Variants in ZDHHC11B observed in about 807,000 individuals in gnomAD.
The protein encoded by ZDHHC11B is zDHHC palmitoyltransferase 11B (putative), also known as probable palmitoyltransferase ZDHHC11B.
In ZDHHC11B, 17 loss-of-function variants were observed where a neutral mutation model predicts 42.3. The ratio of observed to expected loss-of-function variants is 0.40; its 90% CI spans 0.27 to 0.60. The LOEUF (loss-of-function observed/expected upper bound fraction) is 0.60. Ranked by LOEUF, ZDHHC11B falls within the 20% of genes least tolerant of loss-of-function variation. The pLI is 0.41. For synonymous variants in ZDHHC11B, 123 were observed against 193.5 expected (o/e 0.64, Z 3.02); for missense variants, 262 against 463.2 (o/e 0.57, Z 3.99).
At chr5:777,801 C>G (rs555643638) in intron 1 of ZDHHC11B, among the ~76,000 whole-genome samples, 29 of 152,122 alleles carry the variant, frequency 1.9e-4, no homozygotes, top group African/African-American at 6.0e-4. Context: ...GGCGGAGCTG[C>G]CCGCCAGTAC....
At chr5:776,431 C>T (rs1207287678) in intron 1 of ZDHHC11B, among the ~76,000 whole-genome samples, 5 of 151,982 alleles carry the variant, frequency 3.3e-5, no homozygotes, top group African/African-American at 4.8e-5. Context: ...ATCCGAAGCA[C>T]AGGAATGGCA....
intron 1 of ZDHHC11B, among the ~76,000 whole-genome samples, chr5:774,111 C>A (rs1357344117): frequency 6.6e-6 from 1 of 151,974 alleles, no homozygotes; most frequent in Non-Finnish European, 1.5e-5. Context: ...TCCCAGACAC[C>A]GCAGGCCACC....
intron 1 of ZDHHC11B, among the ~76,000 whole-genome samples, chr5:776,565 C>T (rs541730731): frequency 6.6e-6 from 1 of 151,816 alleles, no homozygotes; most frequent in African/African-American, 2.4e-5. Flanking sequence ...GGGCATTCAG[C>T]CTGGACAGCT....
chr5:733,747 C>T lies in ZDHHC11B; in HGVS notation c.1023+5G>A, dbSNP rs755279343. 6.2e-7 allele frequency: 1 copy of T among 1,610,004 alleles called. No homozygotes were observed. The highest frequency in any genetic ancestry group is 2.2e-5 in the East Asian group (1 of 44,768). On this transcript the variant is annotated splice_donor_5th_base_variant and intron_variant, in intron 11 of 13. Coordinates refer to ENST00000508859, the MANE Select transcript of ZDHHC11B (RefSeq NM_001351303.2). ...CAGGGTGCATTGCTGGTGACTGCAA[C>T]TTACCTGTGCCTTCGAATCCCCGTC...
intron 1 of ZDHHC11B, among the ~76,000 whole-genome samples, chr5:774,970 G>A (rs952378417): frequency 2.0e-5 from 3 of 151,984 alleles, no homozygotes; most frequent in Non-Finnish European, 4.4e-5. Context: ...CTTGCTGGCA[G>A]AGGAGGCTGG....
intron 1 of ZDHHC11B, among the ~76,000 whole-genome samples, chr5:771,257 C>A (rs2115253): frequency 6.6e-6 from 1 of 151,728 alleles, no homozygotes; most frequent in Non-Finnish European, 1.5e-5. Flanking sequence ...GAGTGTGGCC[C>A]CTGCTGAACT....
At chr5:728,215 T>C (rs1330280141) in intron 12 of ZDHHC11B, among the ~76,000 whole-genome samples, 1 of 151,956 alleles carries the variant, frequency 6.6e-6, no homozygotes, top group Non-Finnish European at 1.5e-5. Flanking sequence ...ATTAAAAGTG[T>C]TATTTGGATA....
chr5:745,839 C>G (rs1013868256), intron 8 of ZDHHC11B, among the ~76,000 whole-genome samples: 3 of 149,782 alleles, frequency 2.0e-5, no homozygotes, highest in African/African-American at 7.4e-5. Flanking sequence ...GAGGTGCTGG[C>G]TAGCGGGTCC....
At chr5:724,662 TACACAC>T (rs58690111) in intron 12 of ZDHHC11B, among the ~76,000 whole-genome samples, 6 of 145,030 alleles carry the variant, frequency 4.1e-5, no homozygotes, top group East Asian at 2.1e-4. Flanking sequence ...GACCATCAGT[TACACAC>T]ACACACACAC....
intron 1 of ZDHHC11B, among the ~76,000 whole-genome samples, chr5:771,851 T>A (rs1736085895): frequency 6.9e-6 from 1 of 145,620 alleles, no homozygotes; most frequent in African/African-American, 2.5e-5. Flanking sequence ...AGACCCTTAT[T>A]CACACACCTC....
intron 10 of ZDHHC11B, among the ~76,000 whole-genome samples, chr5:739,079 G>T (rs1168061222): frequency 6.7e-6 from 1 of 150,228 alleles, no homozygotes; most frequent in African/African-American, 2.5e-5. Flanking sequence ...AATCTAAAAG[G>T]AACTCAAACA....
At chr5:736,740 A>G (rs1352416143) in intron 10 of ZDHHC11B, among the ~76,000 whole-genome samples, 5 of 132,274 alleles carry the variant, frequency 3.8e-5, no homozygotes, top group African/African-American at 1.4e-4. Context: ...AATGAAATCC[A>G]GAGGGAAATT....
chr5:753,381 A>AC (rs1746048135), intron 6 of ZDHHC11B, among the ~76,000 whole-genome samples: 1 of 130,120 alleles, frequency 7.7e-6, no homozygotes, highest in Non-Finnish European at 1.7e-5. Context: ...GGCGCCCATG[A>AC]CCCCGGCCCT....
chr5:776,208 C>G (rs1393541494), intron 1 of ZDHHC11B, among the ~76,000 whole-genome samples: 47 of 151,748 alleles, frequency 3.1e-4, no homozygotes, highest in Non-Finnish European at 5.3e-4. Flanking sequence ...CCAGACCCCA[C>G]TGCTGGAACG....
intron 1 of ZDHHC11B, among the ~76,000 whole-genome samples, chr5:775,793 A>G (rs1205256610): frequency 1.3e-5 from 2 of 151,506 alleles, no homozygotes; most frequent in Non-Finnish European, 3.0e-5. Flanking sequence ...CCTTCCTTCC[A>G]TGCCCTCGGG....
intron 11 of ZDHHC11B, among the ~76,000 whole-genome samples, chr5:731,412 C>G (rs1212945539): frequency 2.0e-5 from 3 of 149,676 alleles, no homozygotes; most frequent in African/African-American, 7.4e-5. Context: ...CTTGCAGCTA[C>G]TCTAATGGGG....
intron 12 of ZDHHC11B, among the ~76,000 whole-genome samples, chr5:729,012 C>CAAAAAAAAAAA (rs751272226): frequency 7.4e-5 from 10 of 134,874 alleles, no homozygotes; most frequent in East Asian, 2.1e-4. Flanking sequence ...GACCCTGTCT[C>CAAAAAAAAAAA]AAAAAAAAAA....
intron 6 of ZDHHC11B, among the ~76,000 whole-genome samples, chr5:754,395 C>T (rs1440865005): frequency 1.6e-5 from 2 of 128,384 alleles, no homozygotes; most frequent in Non-Finnish European, 1.7e-5. Flanking sequence ...CTTGTGCCTC[C>T]ACCATGCTCA....
chr5:778,472 G>A lies in ZDHHC11B; in HGVS notation c.-230+6196C>T, dbSNP rs536791363. Among the ~76,000 whole-genome samples the A allele has an allele frequency of 4.0e-5, 6 of 150,858 alleles. No individual in the cohort carries two copies. The East Asian group carries it at 1.2e-3, about 30-fold the overall frequency. On this transcript the variant is annotated intron_variant, in intron 1 of 13. Transcript: ENST00000508859. ...TCTCAAGGGGGCAGAGCAGGTTACA[G>A]AACACTGCAGAACCAGGGGCTGGTC...
Sources: gnomAD v4.1 joint callset for allele counts (sites outside exome capture counted in the v4.1 genomes callset) on GRCh38, gnomAD v4.1.1 for gene constraint, MANE v1.5 for transcripts, NCBI Gene and HGNC (gene_info 2026-07-23, HGNC 2026-07-21) for gene names.